Variants in LMAN2L observed in about 807,000 individuals in gnomAD.
LMAN2L encodes the protein VIP36-like protein.
In LMAN2L, 30 loss-of-function variants were observed where a neutral mutation model predicts 44.3. The observed-to-expected ratio is 0.68, with a 90% confidence interval of 0.51 to 0.92. The LOEUF (loss-of-function observed/expected upper bound fraction) is 0.92. Ranked by LOEUF, LMAN2L falls within the 40% of genes least tolerant of loss-of-function variation. The probability of loss-of-function intolerance (pLI) is 0.00; values close to 1 mark genes in which losing one functional copy is unlikely to be tolerated. For synonymous variants in LMAN2L, 183 were observed against 171.1 expected (o/e 1.07, Z -0.54); for missense variants, 429 against 446.1 (o/e 0.96, Z 0.35).
At position 96,711,740 on chromosome 2, in the gene LMAN2L, A is replaced by G; in HGVS notation, c.700T>C (p.Trp234Arg). Residue 234 changes from tryptophan to arginine, a missense_variant, in exon 6 of 8, where the codon TGG becomes CGG. Coordinates refer to ENST00000264963, the MANE Select transcript of LMAN2L (RefSeq NM_030805.4). ...CCGGGCACTTCAATGCAGTCCCTCCACTCATGCTTGCCATCAATATCCATC... is the reference window on the plus strand; with the variant it reads ...CCGGGCACTTCAATGCAGTCCCTCCGCTCATGCTTGCCATCAATATCCATC... ...IMMDIDGKHE[W>R]RDCIEVPGVR... 1.2e-6 allele frequency: 2 copies of G among 1,614,096 alleles called. No homozygotes were observed. Among genetic ancestry groups the G allele is most frequent in the Non-Finnish European group, 1.7e-6 (2 of 1,179,968 alleles).
rs1013504055 is a variant in LMAN2L at position 96,735,486 on chromosome 2, A to G, written c.307-960T>C. 2.0e-5 allele frequency among the ~76,000 whole-genome samples: 3 copies of G among 152,212 alleles called. No homozygotes were observed. The East Asian group carries it at 5.8e-4, about 29-fold the overall frequency. On this transcript the variant is annotated intron_variant, in intron 2 of 7. Coordinates refer to ENST00000264963, the MANE Select transcript of LMAN2L (RefSeq NM_030805.4). ...CAAGGGGCCTGAAATCTCCTACTCT[A>G]TTGAGCCAGTCTCTGTCTTGTCACT...
intron 4 of LMAN2L, among the ~76,000 whole-genome samples, chr2:96,714,043 A>G (rs1037644198): frequency 6.6e-6 from 1 of 152,260 alleles, no homozygotes; most frequent in African/African-American, 2.4e-5. Context: ...AAAGAGAAAC[A>G]AGACAGACAG....
chr2:96,724,356 C>T (rs1471227198), intron 4 of LMAN2L, among the ~76,000 whole-genome samples: 1 of 152,124 alleles, frequency 6.6e-6, no homozygotes, highest in East Asian at 1.9e-4. Flanking sequence ...GAATTTTTGC[C>T]AAGAAGCCAG....
intron 6 of LMAN2L, among the ~76,000 whole-genome samples, chr2:96,710,103 C>A (rs1407494350): frequency 3.9e-5 from 6 of 152,132 alleles, no homozygotes; most frequent in African/African-American, 1.4e-4. Flanking sequence ...AACCTAATTG[C>A]CAAAACTAAT....
At chr2:96,720,272 C>T (rs149254834) in intron 4 of LMAN2L, among the ~76,000 whole-genome samples, 316 of 152,210 alleles carry the variant, frequency 2.1e-3, no homozygotes, top group Middle Eastern at 6.8e-3. Flanking sequence ...AGGCCAAGAC[C>T]GCAACGGTTA....
At chr2:96,719,626 C>G (rs1052739680) in intron 4 of LMAN2L, among the ~76,000 whole-genome samples, 7 of 152,024 alleles carry the variant, frequency 4.6e-5, no homozygotes, top group African/African-American at 1.7e-4. Flanking sequence ...CACAGAGTCT[C>G]ACTCTGTTGC....
chr2:96,717,228 C>T (rs1043244041), intron 4 of LMAN2L, among the ~76,000 whole-genome samples: 1 of 151,986 alleles, frequency 6.6e-6, no homozygotes, highest in Non-Finnish European at 1.5e-5. Flanking sequence ...CAGACACACA[C>T]ACACAAAGAA....
intron 4 of LMAN2L, among the ~76,000 whole-genome samples, chr2:96,731,383 T>C (rs1244156353): frequency 6.6e-6 from 1 of 152,172 alleles, no homozygotes; most frequent in Non-Finnish European, 1.5e-5. Context: ...GCACAGTGGC[T>C]CATACCTGTA....
Position 96,723,003 on chromosome 2 carries a change from G to T in LMAN2L, c.507+10516C>A, listed in dbSNP as rs185553231. 6.1e-4 allele frequency among the ~76,000 whole-genome samples: 92 copies of T among 151,962 alleles called. 1 individual carries two copies. The East Asian group carries it at 0.015, about 25-fold the overall frequency. ...CCACTGCACTTCATACTGGGCAACA[G>T]AGCAAGACTCCATCTCAAAAAAAAA... On this transcript the variant is annotated intron_variant, in intron 4 of 7. Transcript: ENST00000264963.
chr2:96,736,504 C>G (rs1195232578), intron 2 of LMAN2L, among the ~76,000 whole-genome samples: 1 of 152,192 alleles, frequency 6.6e-6, no homozygotes, highest in African/African-American at 2.4e-5. Context: ...TAGAGACAGA[C>G]AGCCAGCAAG....
At chr2:96,731,712 T>C (rs533391456) in intron 4 of LMAN2L, among the ~76,000 whole-genome samples, 1 of 152,236 alleles carries the variant, frequency 6.6e-6, no homozygotes, top group Non-Finnish European at 1.5e-5. Context: ...CTGTTGAATC[T>C]AAGCATCACA....
At chr2:96,737,337 T>C in intron 2 of LMAN2L, 1 of 359,236 alleles carries the variant, frequency 2.8e-6, no homozygotes, top group Non-Finnish European at 5.4e-6. Flanking sequence ...GATGCTGGGA[T>C]AAGGTTTGGG....
intron 4 of LMAN2L, among the ~76,000 whole-genome samples, chr2:96,716,994 T>C (rs1237699622): frequency 6.6e-6 from 1 of 151,990 alleles, no homozygotes; most frequent in East Asian, 1.9e-4. Flanking sequence ...ATTGGGACAA[T>C]AGGTGAAATA....
chr2:96,740,018 A>C lies in LMAN2L; in HGVS notation c.23T>G (p.Leu8Arg), dbSNP rs762511900. Reference sequence around the variant, plus strand: ...TCGCCGCCACTGCTGCCACGACCCAAGGGGTCCCAGAGTCGCCGCCATCTT... The same window carrying C: ...TCGCCGCCACTGCTGCCACGACCCACGGGGTCCCAGAGTCGCCGCCATCTT... MAATLGP[L>R]GSWQQWRRCL... The change falls in exon 1 of 8, where the codon CTT becomes CGT. Residue 8 changes from leucine (L) to arginine (R), a missense_variant. Physicochemically the swap from Leu to Arg is moderately radical, Grantham distance 102. Coordinates refer to ENST00000264963, the MANE Select transcript of LMAN2L (RefSeq NM_030805.4). 1.2e-6 allele frequency: 2 copies of C among 1,612,386 alleles called. No homozygotes were observed. The highest frequency in any genetic ancestry group is 8.5e-7 in the Non-Finnish European group (1 of 1,179,632).
At chr2:96,720,470 T>C (rs1193306148) in intron 4 of LMAN2L, among the ~76,000 whole-genome samples, 1 of 152,028 alleles carries the variant, frequency 6.6e-6, no homozygotes, top group African/African-American at 2.4e-5. Flanking sequence ...TCAGGTTATC[T>C]TTACCTTTTT....
At chr2:96,725,677 C>A (rs2078255834) in intron 4 of LMAN2L, among the ~76,000 whole-genome samples, 1 of 151,230 alleles carries the variant, frequency 6.6e-6, no homozygotes, top group Admixed American at 6.6e-5. Flanking sequence ...GATCTCCTGA[C>A]CTTGTCATCT....
intron 4 of LMAN2L, among the ~76,000 whole-genome samples, chr2:96,726,081 G>A (rs1454882781): frequency 6.6e-6 from 1 of 151,324 alleles, no homozygotes; most frequent in Admixed American, 6.6e-5. Flanking sequence ...GCAATGAGCA[G>A]AGATCATGCC....
At chr2:96,707,438 C>T (rs1235708953) in intron 7 of LMAN2L, 40 bp from the exon 8 acceptor site, 3 of 1,584,064 alleles carry the variant, frequency 1.9e-6, no homozygotes, top group African/African-American at 1.4e-5. Context: ...AAACAGGGAG[C>T]CCACCCAATA....
At chr2:96,736,699 T>G (rs1355625205) in intron 2 of LMAN2L, among the ~76,000 whole-genome samples, 1 of 152,206 alleles carries the variant, frequency 6.6e-6, no homozygotes, top group Non-Finnish European at 1.5e-5. Context: ...GTAAAACAGG[T>G]ATTCTGAAGC....
Sources: allele counts gnomAD v4.1 joint callset (sites outside exome capture counted in the v4.1 genomes callset), GRCh38; gene constraint gnomAD v4.1.1; transcripts MANE v1.5; gene names NCBI Gene and HGNC (gene_info 2026-07-23, HGNC 2026-07-21).